TMEM45A: variants seen among roughly 807,000 people sequenced by gnomAD.
TMEM45A encodes DNA polymerase-transactivated protein 4.
TMEM45A carries 25 observed loss-of-function variants against 32.0 expected under a neutral mutation model. The ratio of observed to expected loss-of-function variants is 0.78; its 90% CI spans 0.57 to 1.09. The LOEUF is 1.09. Among genes scored for constraint, TMEM45A ranks in the 50% least tolerant of loss-of-function variants. TMEM45A has a pLI of 0.00. For synonymous variants in TMEM45A, 122 were observed against 114.8 expected, an observed-to-expected ratio of 1.06 and a Z score of -0.40; for missense variants, 302 against 325.0, an observed-to-expected ratio of 0.93 and a Z score of 0.54.
At chr3:100,500,345 G>A (rs1454292066) in intron 1 of TMEM45A, among the ~76,000 whole-genome samples, 1 of 151,954 alleles carries the variant, frequency 6.6e-6, no homozygotes, top group Non-Finnish European at 1.5e-5. Context: ...CTGGAGAACA[G>A]ACACTAGCAC....
intron 1 of TMEM45A, among the ~76,000 whole-genome samples, chr3:100,532,089 T>C (rs938924133): frequency 2.4e-4 from 37 of 152,238 alleles, no homozygotes; most frequent in Admixed American, 8.5e-4. Context: ...CATAGGACTA[T>C]TAGCAAGTCT....
chr3:100,521,139 A>G (rs561218939), intron 1 of TMEM45A, among the ~76,000 whole-genome samples: 8 of 152,350 alleles, frequency 5.3e-5, no homozygotes, highest in East Asian at 3.9e-4. Flanking sequence ...GGGATTTAGT[A>G]GAGCTTAAAT....
At chr3:100,504,252 A>G (rs529312284) in intron 1 of TMEM45A, among the ~76,000 whole-genome samples, 1 of 151,210 alleles carries the variant, frequency 6.6e-6, no homozygotes, top group South Asian at 2.1e-4. Context: ...ATTTTTATAA[A>G]AAAAAAAAAA....
At chr3:100,570,447 C>G (rs777381817) in intron 5 of TMEM45A, among the ~76,000 whole-genome samples, 43 of 152,234 alleles carry the variant, frequency 2.8e-4, no homozygotes, top group Non-Finnish European at 5.4e-4. Flanking sequence ...CCACTTTGAT[C>G]TATAGTTGCT....
chr3:100,498,405 T>C (rs772481568), intron 1 of TMEM45A, among the ~76,000 whole-genome samples: 11 of 152,222 alleles, frequency 7.2e-5, no homozygotes, highest in Non-Finnish European at 1.0e-4. Flanking sequence ...TAGAAAAAGA[T>C]TGAATTCCAC....
chr3:100,514,830 A>C (rs1325843403), intron 1 of TMEM45A, among the ~76,000 whole-genome samples: 1 of 149,968 alleles, frequency 6.7e-6, no homozygotes, highest in East Asian at 1.9e-4. Context: ...ATGAACAGAC[A>C]CTTCTCAAAA....
intron 1 of TMEM45A, among the ~76,000 whole-genome samples, chr3:100,520,904 G>A (rs2148947347): frequency 6.6e-6 from 1 of 152,244 alleles, no homozygotes; most frequent in Middle Eastern, 3.4e-3. Flanking sequence ...GCCAGGCTGG[G>A]ACCTGGAAGC....
intron 1 of TMEM45A, among the ~76,000 whole-genome samples, 192 bp downstream of exon 1, chr3:100,493,120 C>CATTTTTTTTTTTT (rs1559630375): frequency 1.7e-5 from 2 of 115,918 alleles, no homozygotes; most frequent in African/African-American, 3.4e-5. Context: ...GTTTGCTATT[C>CATTTTTTTTTTTT]TTTTTTTTTT....
chr3:100,537,460 A>C (rs1401761682), intron 1 of TMEM45A, among the ~76,000 whole-genome samples: 5 of 152,144 alleles, frequency 3.3e-5, no homozygotes, highest in African/African-American at 4.8e-5. Context: ...CACCTTCCGC[A>C]CACAAGGAAA....
chr3:100,513,377 C>T (rs1576262650), intron 1 of TMEM45A, among the ~76,000 whole-genome samples: 1 of 151,684 alleles, frequency 6.6e-6, no homozygotes, highest in African/African-American at 2.4e-5. Context: ...ACAAAAACCA[C>T]ATGATTATCT....
chr3:100,527,035 TTATAA>T (rs1343602578), intron 1 of TMEM45A, among the ~76,000 whole-genome samples: 1 of 152,184 alleles, frequency 6.6e-6, no homozygotes, highest in South Asian at 2.1e-4. Flanking sequence ...TAATTTAAAA[TTATAA>T]TATATATGCT....
intron 1 of TMEM45A, among the ~76,000 whole-genome samples, chr3:100,544,583 A>G (rs1705949114): frequency 6.6e-6 from 1 of 152,120 alleles, no homozygotes; most frequent in African/African-American, 2.4e-5. Flanking sequence ...TTTTCTCTAT[A>G]TTAGAATTTC....
intron 1 of TMEM45A, among the ~76,000 whole-genome samples, chr3:100,507,868 A>T (rs187837153): frequency 1.2e-3 from 186 of 151,836 alleles, no homozygotes; most frequent in Middle Eastern, 0.01. Flanking sequence ...AGAGATTAAG[A>T]GAGCATAGGA....
intron 1 of TMEM45A, among the ~76,000 whole-genome samples, chr3:100,547,840 T>C (rs1247444460): frequency 6.6e-6 from 1 of 152,184 alleles, no homozygotes; most frequent in Non-Finnish European, 1.5e-5. Flanking sequence ...CTATTTACTT[T>C]GAAGAGTTAG....
chr3:100,505,084 G>T (rs561996434), intron 1 of TMEM45A, among the ~76,000 whole-genome samples: 87 of 152,334 alleles, frequency 5.7e-4, no homozygotes, highest in African/African-American at 1.8e-3. Flanking sequence ...CAGACTCATT[G>T]CTGGGGAGTG....
At chr3:100,546,257 A>C (rs1705978134) in intron 1 of TMEM45A, among the ~76,000 whole-genome samples, 1 of 152,218 alleles carries the variant, frequency 6.6e-6, no homozygotes. Context: ...TGACACCTTG[A>C]TAGCCCAGTG....
At chr3:100,564,177 T>C (rs941041415) in intron 4 of TMEM45A, among the ~76,000 whole-genome samples, 13 of 152,218 alleles carry the variant, frequency 8.5e-5, no homozygotes, top group African/African-American at 2.9e-4. Flanking sequence ...ACCTTGCTAA[T>C]TTCAACTAAT....
intron 5 of TMEM45A, chr3:100,570,570 T>A (rs1232311014): frequency 1.3e-5 from 2 of 152,416 alleles, no homozygotes; most frequent in African/African-American, 4.8e-5. Context: ...AGACTGGCTC[T>A]GCCATTGAGT....
intron 4 of TMEM45A, among the ~76,000 whole-genome samples, chr3:100,567,561 G>A (rs1214462999): frequency 7.1e-6 from 1 of 139,896 alleles, no homozygotes; most frequent in Non-Finnish European, 1.5e-5. Context: ...AATTTTGATG[G>A]CAATTGCATT....
Sources: gnomAD v4.1 joint callset for allele counts (sites outside exome capture counted in the v4.1 genomes callset) on GRCh38, gnomAD v4.1.1 for gene constraint, MANE v1.5 for transcripts, NCBI Gene and HGNC (gene_info 2026-07-23, HGNC 2026-07-21) for gene names.